Variants in SORCS1 observed in about 807,000 individuals in gnomAD.
SORCS1 encodes the protein sortilin related VPS10 domain containing receptor 1, also known as VPS10 domain-containing receptor SorCS1.
SORCS1 carries 60 observed loss-of-function variants against 146.1 expected under a neutral mutation model. The observed-to-expected ratio is 0.41, with a 90% confidence interval of 0.33 to 0.51. The LOEUF (loss-of-function observed/expected upper bound fraction) is 0.51. SORCS1 is among the 20% of genes least tolerant of loss of function. The pLI is 0.21. For synonymous variants in SORCS1, 637 were observed against 584.0 expected, an observed-to-expected ratio of 1.09 and a Z score of -1.31; for missense variants, 1,352 against 1,487.6, an observed-to-expected ratio of 0.91 and a Z score of 1.50.
chr10:106,908,968 C>T (rs1297697829), intron 2 of SORCS1, among the ~76,000 whole-genome samples: 1 of 152,170 alleles, frequency 6.6e-6, no homozygotes, highest in Non-Finnish European at 1.5e-5. Flanking sequence ...CTTGTATCCT[C>T]CCTGTCTTCT....
chr10:107,084,092 G>GTTTTTTTTTTTTTTTTTTTT (rs34590427), intron 1 of SORCS1, among the ~76,000 whole-genome samples: 10 of 113,778 alleles, frequency 8.8e-5, no homozygotes, highest in South Asian at 2.9e-4. Flanking sequence ...GTTGTTTTTT[G>GTTTTTTTTTTTTTTTTTTTT]TTTTTTTTTT....
intron 1 of SORCS1, among the ~76,000 whole-genome samples, chr10:107,124,094 A>C (rs994910569): frequency 2.0e-5 from 3 of 152,076 alleles, no homozygotes; most frequent in Non-Finnish European, 4.4e-5. Context: ...CTCAAAAAAA[A>C]AAAAAAAGAA....
intron 19 of SORCS1, among the ~76,000 whole-genome samples, chr10:106,628,043 T>C (rs1456967274): frequency 6.6e-6 from 1 of 152,200 alleles, no homozygotes; most frequent in African/African-American, 2.4e-5. Flanking sequence ...TAGCACAAAG[T>C]CTGGAACACA....
intron 8 of SORCS1, among the ~76,000 whole-genome samples, chr10:106,700,818 G>A (rs1449246287): frequency 2.0e-5 from 3 of 152,130 alleles, no homozygotes; most frequent in East Asian, 3.9e-4. Context: ...CCTCTACTCA[G>A]GTTCCATATG....
At chr10:106,671,392 T>A in intron 15 of SORCS1, 25 bp from the exon 16 acceptor site, 1 of 1,613,584 alleles carries the variant, frequency 6.2e-7, no homozygotes, top group Non-Finnish European at 8.5e-7. Flanking sequence ...GGATCACAGA[T>A]ACTTGGGCAC....
intron 1 of SORCS1, among the ~76,000 whole-genome samples, chr10:106,998,498 T>C (rs758200244): frequency 6.6e-6 from 1 of 152,252 alleles, no homozygotes; most frequent in Non-Finnish European, 1.5e-5. Flanking sequence ...CCTTTTATTC[T>C]TAAAGGTGCA....
chr10:106,652,620 A>G (rs1306721676), intron 17 of SORCS1, 67 bp from the exon 18 acceptor site: 1 of 1,568,508 alleles, frequency 6.4e-7, no homozygotes, highest in African/African-American at 1.4e-5. Context: ...ACTTTTTAAA[A>G]TTAGACATAG....
chr10:106,735,208 A>G (rs1292942400), intron 5 of SORCS1, among the ~76,000 whole-genome samples: 1 of 152,170 alleles, frequency 6.6e-6, no homozygotes, highest in Non-Finnish European at 1.5e-5. Flanking sequence ...TGATCTATCA[A>G]AATTATTGAT....
intron 1 of SORCS1, among the ~76,000 whole-genome samples, chr10:107,036,662 G>A (rs139163522): frequency 7.2e-5 from 11 of 152,260 alleles, no homozygotes; most frequent in East Asian, 3.9e-4. Context: ...ATTTCAACAC[G>A]TAAGAGCTAT....
At chr10:107,080,925 G>T (rs955830584) in intron 1 of SORCS1, among the ~76,000 whole-genome samples, 39 of 152,122 alleles carry the variant, frequency 2.6e-4, no homozygotes, top group Admixed American at 1.1e-3. Context: ...CATGATTATA[G>T]CTAATATATT....
chr10:107,085,925 CT>C (rs1963723884), intron 1 of SORCS1, among the ~76,000 whole-genome samples: 1 of 152,206 alleles, frequency 6.6e-6, no homozygotes, highest in African/African-American at 2.4e-5. Flanking sequence ...AAACCAAGGC[CT>C]TTTCCCCACT....
chr10:106,643,031 G>A (rs1221071344), intron 18 of SORCS1, among the ~76,000 whole-genome samples: 1 of 152,148 alleles, frequency 6.6e-6, no homozygotes, highest in East Asian at 1.9e-4. Flanking sequence ...AGAGGCTTAG[G>A]AGCTACATGA....
intron 1 of SORCS1, among the ~76,000 whole-genome samples, chr10:107,043,016 C>T (rs1046556905): frequency 5.9e-5 from 9 of 152,154 alleles, no homozygotes; most frequent in Non-Finnish European, 1.2e-4. Context: ...CTCAATTTAT[C>T]CCAAAGATCC....
chr10:106,964,633 C>T (rs938187358), intron 1 of SORCS1, among the ~76,000 whole-genome samples: 6 of 152,034 alleles, frequency 3.9e-5, no homozygotes, highest in Non-Finnish European at 7.4e-5. Flanking sequence ...ACTACAGGTG[C>T]GTGCCACCAC....
chr10:107,101,749 A>ATGTG (rs34645920), intron 1 of SORCS1, among the ~76,000 whole-genome samples: 2,426 of 147,304 alleles, frequency 0.016, 22 homozygotes, highest in South Asian at 0.045. Flanking sequence ...TGGGCTAATT[A>ATGTG]TGTGTGTGTG....
intron 18 of SORCS1, among the ~76,000 whole-genome samples, chr10:106,647,048 T>C (rs1314007606): frequency 2.7e-5 from 4 of 146,406 alleles, no homozygotes; most frequent in African/African-American, 1.0e-4. Flanking sequence ...TATATGGTAA[T>C]GTCAGTCATC....
At chr10:106,791,779 T>C (rs1401594470) in intron 3 of SORCS1, among the ~76,000 whole-genome samples, 2 of 152,204 alleles carry the variant, frequency 1.3e-5, no homozygotes. Context: ...GTATACTAAT[T>C]TAACTGGAAG....
At chr10:106,788,742 G>T (rs10884359) in intron 3 of SORCS1, among the ~76,000 whole-genome samples, 1 of 152,054 alleles carries the variant, frequency 6.6e-6, no homozygotes, top group South Asian at 2.1e-4. Flanking sequence ...TCATGGGCTG[G>T]TGTTGAGTGT....
At chr10:106,867,859 T>C (rs557986670) in intron 2 of SORCS1, among the ~76,000 whole-genome samples, 11 of 152,146 alleles carry the variant, frequency 7.2e-5, no homozygotes, top group African/African-American at 2.6e-4. Flanking sequence ...CACATATCAA[T>C]ACCAACCTTG....
Sources: allele counts gnomAD v4.1 joint callset (sites outside exome capture counted in the v4.1 genomes callset), GRCh38; gene constraint gnomAD v4.1.1; transcripts MANE v1.5; gene names NCBI Gene and HGNC (gene_info 2026-07-23, HGNC 2026-07-21).